Variants in SRBD1 observed in about 807,000 individuals in gnomAD.
The protein encoded by SRBD1 is S1 RNA binding domain 1, also known as S1 RNA-binding domain-containing protein 1.
Under a neutral mutation model 115.3 loss-of-function variants are expected in SRBD1, and 88 were observed. That is an observed-to-expected ratio of 0.76 (90% confidence interval 0.64 to 0.91). The LOEUF is 0.91. Among genes scored for constraint, SRBD1 ranks in the 40% least tolerant of loss-of-function variants. The pLI is 0.00. For synonymous variants in SRBD1, 509 were observed against 407.7 expected, an observed-to-expected ratio of 1.25 and a Z score of -2.99; for missense variants, 1,385 against 1,177.4, an observed-to-expected ratio of 1.18 and a Z score of -2.58.
chr2:45,481,398 A>G (rs1209270307), intron 15 of SRBD1, among the ~76,000 whole-genome samples: 1 of 152,096 alleles, frequency 6.6e-6, no homozygotes, highest in African/African-American at 2.4e-5. Flanking sequence ...TAGCTCAGGA[A>G]AAGGGAGTCT....
intron 16 of SRBD1, among the ~76,000 whole-genome samples, chr2:45,421,425 T>C (rs1667996267): frequency 7.3e-6 from 1 of 137,654 alleles, no homozygotes; most frequent in South Asian, 2.2e-4. Context: ...GAGAATGGCA[T>C]GAACCCAGGA....
At chr2:45,424,751 A>G (rs1290772080) in intron 16 of SRBD1, among the ~76,000 whole-genome samples, 6 of 152,222 alleles carry the variant, frequency 3.9e-5, no homozygotes, top group African/African-American at 1.2e-4. Context: ...GTCAAAATCA[A>G]AAGGTATGAA....
intron 15 of SRBD1, among the ~76,000 whole-genome samples, chr2:45,484,124 CTAGTG>C (rs1461371448): frequency 6.6e-6 from 1 of 151,420 alleles, no homozygotes; most frequent in East Asian, 1.9e-4. Context: ...TTTTTCTTCC[CTAGTG>C]TATTCTGGCA....
At chr2:45,545,173 G>A (rs928383139) in intron 14 of SRBD1, among the ~76,000 whole-genome samples, 10 of 151,152 alleles carry the variant, frequency 6.6e-5, no homozygotes, top group East Asian at 1.9e-4. Context: ...CCAGCTACTC[G>A]GGAGGCTGAG....
chr2:45,535,005 T>A (rs1046986132), intron 14 of SRBD1, among the ~76,000 whole-genome samples: 1 of 151,996 alleles, frequency 6.6e-6, no homozygotes, highest in Non-Finnish European at 1.5e-5. Flanking sequence ...TGTATCCTTA[T>A]TAAAATTCAT....
intron 16 of SRBD1, among the ~76,000 whole-genome samples, chr2:45,431,887 C>T (rs1478000592): frequency 6.6e-6 from 1 of 152,162 alleles, no homozygotes; most frequent in African/African-American, 2.4e-5. Flanking sequence ...ACTCTTCTAG[C>T]AGCTATTTAT....
At chr2:45,402,348 C>T (rs1667313840) in intron 19 of SRBD1, among the ~76,000 whole-genome samples, 4 of 152,154 alleles carry the variant, frequency 2.6e-5, no homozygotes, top group South Asian at 2.1e-4. Flanking sequence ...GTGATTATTC[C>T]TGTCCCAGAC....
Position 45,547,540 on chromosome 2 carries a change from G to A in SRBD1, c.1748C>T (p.Thr583Ile), listed in dbSNP as rs1338478521. Residue 583 changes from threonine to isoleucine, a missense_variant, in exon 13 of 21, where the codon ACA (threonine) becomes ATA (isoleucine). Thr to Ile is a moderately conservative substitution (Grantham distance 89). Transcript: ENST00000263736. ...QGFREAEKIK[T>I]LLLNFNCSTV... ...TTCATACTTGAAATTCAGCAAAAGT[G>A]TCTTTATTTTCTCCGCCTCTCGGAA... 7 of 1,613,556 alleles carry A rather than the reference G, an allele frequency of 4.3e-6. No individual in the cohort carries two copies. The highest frequency in any genetic ancestry group is 1.7e-5 in the Admixed American group (1 of 59,976).
Position 45,402,833 on chromosome 2 carries a change from C to T in SRBD1, c.2514-9704G>A, listed in dbSNP as rs757237144. Reference sequence around the variant, plus strand: ...GCATCATCTGCAGCACCAAGCACTACTCCTGGCACCTTATTCAAGAAAAAG... The same window carrying T: ...GCATCATCTGCAGCACCAAGCACTATTCCTGGCACCTTATTCAAGAAAAAG... On this transcript the variant is annotated intron_variant, in intron 19 of 20. Coordinates refer to ENST00000263736, the MANE Select transcript of SRBD1 (RefSeq NM_018079.5). Among the ~76,000 whole-genome samples the T allele has an allele frequency of 5.3e-5, 8 of 152,152 alleles. No homozygotes were observed. The South Asian group carries it at 8.3e-4, about 16-fold the overall frequency.
intron 14 of SRBD1, chr2:45,546,188 G>C (rs1046777286): frequency 3.0e-6 from 3 of 985,360 alleles, no homozygotes; most frequent in Non-Finnish European, 3.6e-6. Flanking sequence ...GGCAAGACTA[G>C]AGAAATTGGG....
chr2:45,607,829 G>T (rs2104271595), intron 1 of SRBD1, among the ~76,000 whole-genome samples: 1 of 152,258 alleles, frequency 6.6e-6, no homozygotes, highest in East Asian at 1.9e-4. Context: ...TGTGGGCATG[G>T]GAACCATACA....
intron 14 of SRBD1, among the ~76,000 whole-genome samples, chr2:45,543,095 CTG>C (rs1346432364): frequency 6.6e-6 from 1 of 152,186 alleles, no homozygotes; most frequent in African/African-American, 2.4e-5. Context: ...ACCCATAAAA[CTG>C]TAGAATTTTT....
intron 14 of SRBD1, among the ~76,000 whole-genome samples, chr2:45,521,286 AAC>A (rs71394840): frequency 0.015 from 2,230 of 146,324 alleles, 39 homozygotes; most frequent in African/African-American, 0.036. Context: ...CAAAAAGGAA[AAC>A]ACACACACAC....
chr2:45,579,516 T>C (rs1673279276), intron 7 of SRBD1, among the ~76,000 whole-genome samples: 3 of 152,032 alleles, frequency 2.0e-5, no homozygotes, highest in African/African-American at 7.2e-5. Flanking sequence ...TTAACTATAA[T>C]AAAACTCAAC....
intron 19 of SRBD1, among the ~76,000 whole-genome samples, chr2:45,403,524 A>C (rs941858273): frequency 3.3e-5 from 5 of 152,122 alleles, no homozygotes; most frequent in Admixed American, 1.3e-4. Flanking sequence ...GAGAGGTAAA[A>C]CAGGCTCTTA....
At chr2:45,587,920 TGCTATTCAAATG>T (rs2104208335) in intron 4 of SRBD1, among the ~76,000 whole-genome samples, 1 of 152,352 alleles carries the variant, frequency 6.6e-6, no homozygotes, top group African/African-American at 2.4e-5. Context: ...ACCCATATTA[TGCTATTCAAATG>T]GCAATTCAAC....
At chr2:45,436,524 C>T (rs1315723088) in intron 16 of SRBD1, among the ~76,000 whole-genome samples, 1 of 152,196 alleles carries the variant, frequency 6.6e-6, no homozygotes, top group Admixed American at 6.5e-5. Flanking sequence ...TTAACTGACT[C>T]ACAGTTCCAC....
intron 12 of SRBD1, among the ~76,000 whole-genome samples, chr2:45,550,063 G>C (rs1354832564): frequency 2.0e-5 from 3 of 151,720 alleles, no homozygotes; most frequent in Non-Finnish European, 2.9e-5. Flanking sequence ...TAGAAATAAA[G>C]AAGTTCATAG....
intron 14 of SRBD1, among the ~76,000 whole-genome samples, chr2:45,527,425 T>C (rs1047085839): frequency 6.6e-6 from 1 of 151,850 alleles, no homozygotes; most frequent in African/African-American, 2.4e-5. Context: ...AATTCTAACC[T>C]GAGATAAATT....
Sources: allele counts gnomAD v4.1 joint callset (sites outside exome capture counted in the v4.1 genomes callset), GRCh38; gene constraint gnomAD v4.1.1; transcripts MANE v1.5; gene names NCBI Gene and HGNC (gene_info 2026-07-23, HGNC 2026-07-21).